SPDYE2: variants seen among roughly 807,000 people sequenced by gnomAD.
The protein encoded by SPDYE2 is speedy protein E2.
For missense variants in SPDYE2, 1 was observed against 121.0 expected (o/e 0.01, Z 4.65); for synonymous variants, 2 against 45.1 (o/e 0.04, Z 3.83).
At chr7:102,555,339 T>G in intron 3 of SPDYE2, among the ~76,000 whole-genome samples, 1 of 122,832 alleles carries the variant, frequency 8.1e-6, no homozygotes, top group Non-Finnish European at 1.7e-5. Context: ...TGAGGCAGGG[T>G]GCAGTGGCTC....
downstream of SPDYE2, chr7:102,564,858 AT>A (rs1385769618): frequency 7.2e-6 from 1 of 139,444 alleles, no homozygotes; most frequent in Non-Finnish European, 1.6e-5. Flanking sequence ...TGCCTGGCTA[AT>A]TTTTTGAATT....
At chr7:102,562,963 C>G (rs1800926262) in exon 9 of SPDYE2, 1 of 146,776 alleles carries the variant, frequency 6.8e-6, no homozygotes, top group African/African-American at 2.5e-5. Flanking sequence ...TTTTGAAAAA[C>G]ATGGGTATAG....
At position 102,557,336 on chromosome 7, in the gene SPDYE2, C is replaced by CTT. The variant is rs374098436; in HGVS notation, c.669+129_669+130dup. ...ACCTCCCACCAGATGCTCCTACAGT[C>CTT]TTTTTTTTTTTTTTTTGTGTGTGTG... is the stretch of plus-strand genomic sequence containing the variant. On this transcript the variant is annotated intron_variant, in intron 5 of 8. Coordinates refer to ENST00000507918, the Ensembl canonical transcript of SPDYE2. The CTT allele has an allele frequency of 4.4e-3, 3,052 of 700,062 alleles. 5 individuals are homozygous for CTT. Among genetic ancestry groups the CTT allele is most frequent in the East Asian group, 0.011 (192 of 17,558 alleles). The allele number at this position is 700,062 out of a possible 1,614,324, so 43.4% of individuals were successfully genotyped here.
At chr7:102,564,176 ATGAGAGAAAGATAT>A (rs1186007353), downstream of SPDYE2, 1 of 110,250 alleles carries the variant, frequency 9.1e-6, no homozygotes, top group African/African-American at 3.0e-5. Context: ...AAGGCAGGAA[ATGAGAGAAAGATAT>A]TGAGAGAGGA....
exon 9 of SPDYE2, chr7:102,563,001 T>G (rs1800931856): frequency 6.7e-6 from 1 of 148,526 alleles, no homozygotes; most frequent in Admixed American, 6.7e-5. Context: ...TTTATTTATT[T>G]AAATATTTAT....
At chr7:102,555,072 A>C (rs894140874) in intron 3 of SPDYE2, among the ~76,000 whole-genome samples, 1 of 142,418 alleles carries the variant, frequency 7.0e-6, no homozygotes, top group East Asian at 2.1e-4. Context: ...GCGAAACCTC[A>C]TTTATACTAA....
intron 3 of SPDYE2, among the ~76,000 whole-genome samples, chr7:102,555,302 G>T (rs1260410759): frequency 7.4e-6 from 1 of 134,434 alleles, no homozygotes; most frequent in African/African-American, 2.7e-5. Context: ...AGCACATGAG[G>T]AGGGTGTGTG....
chr7:102,557,336 CTTTTT>C (rs374098436), intron 5 of SPDYE2, 114 bp downstream of exon 5: 163,238 of 670,008 alleles, frequency 0.24, 6,110 homozygotes, highest in Middle Eastern at 0.29. Flanking sequence ...CTCCTACAGT[CTTTTT>C]TTTTTTTTTT....
exon 9 of SPDYE2, chr7:102,563,015 ATATAT>A (rs1800933017): frequency 6.7e-6 from 1 of 148,796 alleles, no homozygotes. Context: ...TATTTATTAA[ATATAT>A]TTATTTATTT....
chr7:102,555,537 CG>C (rs1185825865), intron 3 of SPDYE2, among the ~76,000 whole-genome samples: 1 of 111,564 alleles, frequency 9.0e-6, no homozygotes, highest in Non-Finnish European at 2.0e-5. Context: ...CACTGGAACC[CG>C]GGAGGCAGAG....
At position 102,553,711 on chromosome 7, in the gene SPDYE2, C is replaced by T. The variant is rs569269100; in HGVS notation, c.160+296C>T. Among the ~76,000 whole-genome samples, 64 of 40,596 alleles carry T rather than the reference C, an allele frequency of 1.6e-3. 8 individuals carry two copies. Among genetic ancestry groups the T allele is most frequent in the South Asian group, 2.4e-3 (2 of 850 alleles). The allele number at this position is 40,596 out of a possible 152,430, so 26.6% of individuals were successfully genotyped here. ...AAGAGGTTGCAGTGAGCTGAGAGCA[C>T]GCTACTGCACTCCAAAAAAAGAAAA... On this transcript the variant is annotated intron_variant, in intron 2 of 8. Transcript: ENST00000507918.
At chr7:102,563,759 A>C (rs1380161478), downstream of SPDYE2, 1 of 33,304 alleles carries the variant, frequency 3.0e-5, no homozygotes, top group African/African-American at 8.9e-5. Flanking sequence ...GGCCAGCCTC[A>C]GCAACATAGC....
At chr7:102,563,045 C>A (rs1342682124) in exon 9 of SPDYE2, 1 of 149,128 alleles carries the variant, frequency 6.7e-6, no homozygotes, top group Admixed American at 6.7e-5. Flanking sequence ...ATTATTATTA[C>A]TTTAAATATT....
At chr7:102,564,306 C>G (rs1241490428), downstream of SPDYE2, 2 of 113,804 alleles carry the variant, frequency 1.8e-5, no homozygotes, top group African/African-American at 5.9e-5. Flanking sequence ...GAAACCCTGT[C>G]TCTACTAAAA....
At chr7:102,554,815 C>T (rs1800720784) in intron 3 of SPDYE2, among the ~76,000 whole-genome samples, 1 of 111,804 alleles carries the variant, frequency 8.9e-6, no homozygotes, top group East Asian at 2.3e-4. Context: ...GGTGCAGTGG[C>T]TCATGCCTGA....
downstream of SPDYE2, chr7:102,564,722 C>T (rs370354243): frequency 0.031 from 4,577 of 146,784 alleles, no homozygotes; most frequent in East Asian, 0.14. Context: ...GATGGAGTCT[C>T]GCTCTGTCAC....
chr7:102,554,958 G>A (rs1245058360), intron 3 of SPDYE2, among the ~76,000 whole-genome samples: 10 of 131,136 alleles, frequency 7.6e-5, no homozygotes, highest in East Asian at 6.4e-4. Flanking sequence ...AAAGAAAAAC[G>A]AAGGCCAGGT....
At chr7:102,565,043 G>A (rs1392491721), downstream of SPDYE2, 1 of 117,814 alleles carries the variant, frequency 8.5e-6, no homozygotes, top group African/African-American at 2.6e-5. Context: ...AATGCCACAG[G>A]TTAAGGCCAC....
intron 3 of SPDYE2, among the ~76,000 whole-genome samples, chr7:102,555,001 G>C (rs1586811987): frequency 7.4e-6 from 1 of 134,706 alleles, no homozygotes; most frequent in Non-Finnish European, 1.7e-5. Flanking sequence ...CCATTACTTT[G>C]GGAGGCTGAG....
Sources: gnomAD v4.1 joint callset for allele counts (sites outside exome capture counted in the v4.1 genomes callset) on GRCh38, gnomAD v4.1.1 for gene constraint, MANE v1.5 for transcripts, NCBI Gene and HGNC (gene_info 2026-07-23, HGNC 2026-07-21) for gene names.